The following UBE2E2 variants were observed in gnomAD, a reference collection of about 807,000 sequenced individuals.
The protein encoded by UBE2E2 is ubiquitin-conjugating enzyme E2 E2.
Under a neutral mutation model 24.7 loss-of-function variants are expected in UBE2E2, and 6 were observed. The ratio of observed to expected loss-of-function variants is 0.24; its 90% confidence interval spans 0.13 to 0.48. The LOEUF (loss-of-function observed/expected upper bound fraction) is 0.48, where lower values mean the gene tolerates loss of function less well. Ranked by LOEUF, UBE2E2 falls within the 20% of genes least tolerant of loss-of-function variation. The pLI, the probability that UBE2E2 is intolerant of heterozygous loss-of-function variation, is 0.99. For missense variants in UBE2E2, 169 were observed against 245.0 expected (o/e 0.69, Z 2.07); for synonymous variants, 104 against 83.6 (o/e 1.24, Z -1.33).
intron 3 of UBE2E2, among the ~76,000 whole-genome samples, chr3:23,264,142 T>G (rs1697977584): frequency 6.6e-6 from 1 of 152,102 alleles, no homozygotes; most frequent in Admixed American, 6.6e-5. Context: ...TTACCAAAAT[T>G]TAACATTCTG....
At chr3:23,363,035 A>G (rs1294576751) in intron 3 of UBE2E2, among the ~76,000 whole-genome samples, 1 of 152,242 alleles carries the variant, frequency 6.6e-6, no homozygotes, top group East Asian at 1.9e-4. Flanking sequence ...AGAATTTCAT[A>G]TTTGGCAAAA....
At chr3:23,391,469 C>A (rs1033751332) in intron 3 of UBE2E2, among the ~76,000 whole-genome samples, 1 of 152,120 alleles carries the variant, frequency 6.6e-6, no homozygotes, top group Non-Finnish European at 1.5e-5. Context: ...ATGATGCAAA[C>A]ATTTAAAAAT....
At chr3:23,464,635 A>G (rs1423278736) in intron 3 of UBE2E2, among the ~76,000 whole-genome samples, 1 of 152,196 alleles carries the variant, frequency 6.6e-6, no homozygotes, top group Non-Finnish European at 1.5e-5. Context: ...TTAATTATGT[A>G]GTACCTATTT....
intron 3 of UBE2E2, among the ~76,000 whole-genome samples, chr3:23,380,594 T>C (rs1248800520): frequency 6.6e-6 from 1 of 152,152 alleles, no homozygotes; most frequent in African/African-American, 2.4e-5. Context: ...GGCCCTACAG[T>C]CAGATGAAAT....
chr3:23,449,876 G>A (rs1698524606), intron 3 of UBE2E2: 1 of 985,302 alleles, frequency 1.0e-6, no homozygotes. Context: ...GCCCTATAAT[G>A]GGGAAGGTCC....
At chr3:23,468,709 A>G (rs762805411) in intron 3 of UBE2E2, among the ~76,000 whole-genome samples, 49 of 152,208 alleles carry the variant, frequency 3.2e-4, no homozygotes, top group Non-Finnish European at 5.4e-4. Context: ...CAAACAACTA[A>G]TAAGTACAAC....
intron 4 of UBE2E2, 58 bp from the exon 5 acceptor site, chr3:23,532,496 A>G (rs1695148273): frequency 3.5e-6 from 5 of 1,423,270 alleles, no homozygotes; most frequent in African/African-American, 2.8e-5. Flanking sequence ...AAAATTGTCT[A>G]TAGATACTGT....
Position 23,554,401 on chromosome 3 carries a change from G to A in UBE2E2, c.508+21700G>A, listed in dbSNP as rs376599270. Among the ~76,000 whole-genome samples, 265 of 152,244 alleles carry A rather than the reference G, an allele frequency of 1.7e-3. 4 individuals are homozygous for A. The highest frequency in any genetic ancestry group is 0.015 in the East Asian group (77 of 5,182). ...ACAGTGGCTCATGCCTGTAGCCTAAGCTACTTGGGTGGCTAAGGCAGGAGG... is the reference window on the plus strand; with the variant it reads ...ACAGTGGCTCATGCCTGTAGCCTAAACTACTTGGGTGGCTAAGGCAGGAGG... On this transcript the variant is annotated intron_variant, in intron 5 of 5. Transcript: ENST00000396703.
intron 3 of UBE2E2, among the ~76,000 whole-genome samples, chr3:23,219,876 G>A (rs1696578001): frequency 6.6e-6 from 1 of 152,090 alleles, no homozygotes; most frequent in Non-Finnish European, 1.5e-5. Flanking sequence ...GGTAGGGGTG[G>A]GTGTGTGTCA....
chr3:23,457,942 A>G (rs182582671), intron 3 of UBE2E2, among the ~76,000 whole-genome samples: 5 of 152,132 alleles, frequency 3.3e-5, no homozygotes, highest in African/African-American at 1.2e-4. Flanking sequence ...GACCACTAAA[A>G]CTTTCTTCAT....
chr3:23,508,672 T>G (rs560863334), intron 4 of UBE2E2, among the ~76,000 whole-genome samples: 1 of 152,330 alleles, frequency 6.6e-6, no homozygotes, highest in African/African-American at 2.4e-5. Context: ...GGTGGAGGTT[T>G]CAAACAAGTA....
At chr3:23,505,314 T>A (rs1462474846) in intron 4 of UBE2E2, among the ~76,000 whole-genome samples, 1 of 152,038 alleles carries the variant, frequency 6.6e-6, no homozygotes, top group Non-Finnish European at 1.5e-5. Context: ...TGCATAGGGG[T>A]AACGCATTTT....
At chr3:23,498,388 T>G (rs1056854116) in intron 3 of UBE2E2, among the ~76,000 whole-genome samples, 3 of 152,220 alleles carry the variant, frequency 2.0e-5, no homozygotes, top group Non-Finnish European at 2.9e-5. Flanking sequence ...TTTTCATATA[T>G]GTGTGGAAAA....
intron 3 of UBE2E2, among the ~76,000 whole-genome samples, chr3:23,370,548 G>C (rs1696375260): frequency 6.6e-6 from 1 of 152,160 alleles, no homozygotes; most frequent in South Asian, 2.1e-4. Context: ...CAGATTTATG[G>C]TAGTTAAGAA....
At chr3:23,441,774 A>G (rs528234990) in intron 3 of UBE2E2, among the ~76,000 whole-genome samples, 6 of 152,298 alleles carry the variant, frequency 3.9e-5, no homozygotes, top group Non-Finnish European at 7.4e-5. Flanking sequence ...TAACTGTACA[A>G]CACTTTAGGT....
rs543567016 is a variant in UBE2E2 at position 23,280,041 on chromosome 3, A to G, written c.227+62729A>G. 3.3e-5 allele frequency among the ~76,000 whole-genome samples: 5 copies of G among 152,342 alleles called. No homozygotes were observed. In the South Asian group the frequency reaches 1.0e-3, roughly 32 times the overall value. ...TTGTCTCTCATTCACCTATTAGGCC[A>G]TACATTCAAATAAGCATGGGAGAGA... On this transcript the variant is annotated intron_variant, in intron 3 of 5. Transcript: ENST00000396703. This position sits in a 1 kb window ranked among gnomAD's most constrained non-coding sequence, Gnocchi z 4.3.
chr3:23,409,870 T>A (rs1327333832), intron 3 of UBE2E2, among the ~76,000 whole-genome samples: 1 of 152,160 alleles, frequency 6.6e-6, no homozygotes, highest in African/African-American at 2.4e-5. Flanking sequence ...TCTCTGTCTC[T>A]GTCATCACAC....
chr3:23,273,353 C>G (rs959273562), intron 3 of UBE2E2, among the ~76,000 whole-genome samples: 2 of 152,172 alleles, frequency 1.3e-5, no homozygotes, highest in South Asian at 2.1e-4. Flanking sequence ...TGGTGAAACC[C>G]CGTCTCTACT....
At chr3:23,504,879 C>G (rs904572075) in intron 4 of UBE2E2, among the ~76,000 whole-genome samples, 1 of 131,578 alleles carries the variant, frequency 7.6e-6, no homozygotes, top group Non-Finnish European at 1.6e-5. Context: ...TTGTGACACT[C>G]TGTGTCTAAT....
Sources: allele counts gnomAD v4.1 joint callset (sites outside exome capture counted in the v4.1 genomes callset), GRCh38; gene constraint gnomAD v4.1.1; non-coding constraint Gnocchi (gnomAD v3.1); transcripts MANE v1.5; gene names NCBI Gene and HGNC (gene_info 2026-07-23, HGNC 2026-07-21).